Variants in SRD5A2 observed in about 807,000 individuals in gnomAD.
SRD5A2 encodes the protein 3-oxo-5-alpha-steroid 4-dehydrogenase 2.
Under a neutral mutation model 27.4 loss-of-function variants are expected in SRD5A2, and 30 were observed. The ratio of observed to expected loss-of-function variants is 1.10; its 90% confidence interval spans 0.82 to 1.49. The LOEUF (loss-of-function observed/expected upper bound fraction) is 1.49. Among genes scored for constraint, SRD5A2 ranks in the 40% most tolerant of loss-of-function variants. The pLI, the probability that SRD5A2 is intolerant of heterozygous loss-of-function variation, is 0.00. For synonymous variants in SRD5A2, 141 were observed against 133.6 expected (o/e 1.06, Z -0.38); for missense variants, 348 against 323.4 (o/e 1.08, Z -0.58).
the SRD5A2 span, among the ~76,000 whole-genome samples, chr2:31,624,937 T>C: frequency 6.6e-6 from 1 of 152,220 alleles, no homozygotes; most frequent in African/African-American, 2.4e-5. Context: ...ATCTCCACAC[T>C]GTCTTCCAAA....
rs1340601037 is a variant in SRD5A2, at chr2:31,572,302, G to A, written c.281+8318C>T. Among the ~76,000 whole-genome samples, 7 of 152,278 alleles carry A rather than the reference G, an allele frequency of 4.6e-5. No individual in the cohort carries two copies. In the East Asian group the frequency reaches 1.4e-3, roughly 29 times the overall value. ...AGAACAACAGCACTGGGGTCTACTT[G>A]AGGGTGGAGGATGGAAGGAGGGTGA... On this transcript the variant is annotated intron_variant, in intron 1 of 4. Coordinates refer to ENST00000622030, the MANE Select transcript of SRD5A2 (RefSeq NM_000348.4).
At chr2:31,577,510 C>A (rs995852586) in intron 1 of SRD5A2, among the ~76,000 whole-genome samples, 3 of 152,154 alleles carry the variant, frequency 2.0e-5, no homozygotes, top group Non-Finnish European at 2.9e-5. Flanking sequence ...AAACCTTTGA[C>A]CCTGTGGAAT....
At chr2:31,591,424 AAGTC>A in the SRD5A2 span, among the ~76,000 whole-genome samples, 1 of 152,138 alleles carries the variant, frequency 6.6e-6, no homozygotes, top group Non-Finnish European at 1.5e-5. Context: ...GATCATTAAA[AAGTC>A]AGGAAACAAC....
chr2:31,561,707 A>C (rs1666627917), intron 1 of SRD5A2, among the ~76,000 whole-genome samples: 1 of 152,112 alleles, frequency 6.6e-6, no homozygotes, highest in African/African-American at 2.4e-5. Flanking sequence ...GTTTTAAAAA[A>C]CTTTGAGGAT....
chr2:31,588,705 A>C, the SRD5A2 span, among the ~76,000 whole-genome samples: 1 of 152,230 alleles, frequency 6.6e-6, no homozygotes, highest in African/African-American at 2.4e-5. Flanking sequence ...TAATATGAAG[A>C]TACAAAACAA....
At chr2:31,543,617 ACAAT>A (rs760758127) in intron 1 of SRD5A2, among the ~76,000 whole-genome samples, 3 of 152,168 alleles carry the variant, frequency 2.0e-5, no homozygotes, top group Non-Finnish European at 2.9e-5. Flanking sequence ...TGTGACATTA[ACAAT>A]CAAAGAGAGA....
intron 1 of SRD5A2, among the ~76,000 whole-genome samples, chr2:31,575,312 C>T (rs1265843413): frequency 1.3e-5 from 2 of 152,172 alleles, no homozygotes; most frequent in Non-Finnish European, 2.9e-5. Flanking sequence ...GACTCAAGTT[C>T]CAACTCTTTG....
chr2:31,577,487 A>G (rs1443339751), intron 1 of SRD5A2, among the ~76,000 whole-genome samples: 2 of 152,226 alleles, frequency 1.3e-5, no homozygotes, highest in East Asian at 3.8e-4. Context: ...ATACAGCCAT[A>G]AAAGTGAGAC....
intron 4 of SRD5A2, 97 bp downstream of exon 4, chr2:31,529,210 A>T: frequency 6.7e-7 from 1 of 1,495,184 alleles, no homozygotes. Context: ...TAAAAAATTA[A>T]ATATCTTCGG....
At chr2:31,564,357 A>G (rs1666686506) in intron 1 of SRD5A2, among the ~76,000 whole-genome samples, 1 of 151,994 alleles carries the variant, frequency 6.6e-6, no homozygotes, top group South Asian at 2.1e-4. Flanking sequence ...AAATTACCCA[A>G]AAGAAGCACA....
intron 1 of SRD5A2, among the ~76,000 whole-genome samples, chr2:31,564,729 G>A (rs1413145350): frequency 6.6e-6 from 1 of 151,942 alleles, no homozygotes; most frequent in Non-Finnish European, 1.5e-5. Context: ...CAAACAAGAC[G>A]ACAGTGAAAC....
At chr2:31,581,143 C>G, upstream of SRD5A2, 1 of 545,582 alleles carries the variant, frequency 1.8e-6, no homozygotes, top group East Asian at 3.1e-5. Context: ...CCCGCCCTCT[C>G]CACGGCTTTA....
chr2:31,623,800 T>G, the SRD5A2 span, among the ~76,000 whole-genome samples: 98 of 152,080 alleles, frequency 6.4e-4, no homozygotes, highest in African/African-American at 2.2e-3. Context: ...TTAGTAAGAG[T>G]TTTTAACATG....
At chr2:31,645,927 G>T in the SRD5A2 span, among the ~76,000 whole-genome samples, 31 of 152,032 alleles carry the variant, frequency 2.0e-4, 1 homozygote, top group African/African-American at 6.8e-4. Flanking sequence ...TTACCATGGG[G>T]TACCTTCCTG....
intron 1 of SRD5A2, among the ~76,000 whole-genome samples, chr2:31,534,366 T>C (rs1421260875): frequency 6.6e-6 from 1 of 152,110 alleles, no homozygotes; most frequent in Non-Finnish European, 1.5e-5. Flanking sequence ...AGACCTAATA[T>C]TTACTCATTG....
At position 31,526,108 on chromosome 2, in the gene SRD5A2, A is replaced by T. The variant is rs370989010; in HGVS notation, c.*88T>A. On this transcript the variant is annotated 3_prime_UTR_variant, in exon 5 of 5. Coordinates refer to ENST00000622030, the MANE Select transcript of SRD5A2 (RefSeq NM_000348.4). ...AGACCTACTATTACATATATACGGG[A>T]CTATTATATCATGAAAATTACAGTT... 56,401 of 807,108 alleles carry T rather than the reference A, an allele frequency of 0.07. 3,228 individuals are homozygous for T. Among genetic ancestry groups the T allele is most frequent in the Middle Eastern group, 0.11 (451 of 3,972 alleles). 50.0% of individuals were successfully genotyped at this position (807,108 alleles called of 1,614,324 possible).
At chr2:31,567,452 G>GTATATA (rs753337903) in intron 1 of SRD5A2, among the ~76,000 whole-genome samples, 1,615 of 74,682 alleles carry the variant, frequency 0.022, 18 homozygotes, top group Non-Finnish European at 0.029. Context: ...GTGTGTGTGT[G>GTATATA]TGTGTATATA....
the SRD5A2 span, chr2:31,651,265 C>A: frequency 6.6e-6 from 1 of 152,412 alleles, no homozygotes; most frequent in Non-Finnish European, 1.5e-5. Flanking sequence ...GAAATCTAAT[C>A]TAAAAAAATT....
the SRD5A2 span, among the ~76,000 whole-genome samples, chr2:31,606,871 G>A: frequency 6.6e-6 from 1 of 151,920 alleles, no homozygotes; most frequent in African/African-American, 2.4e-5. Context: ...CAGTTCTGGA[G>A]GCTAGAGGTC....
Sources: allele counts gnomAD v4.1 joint callset (sites outside exome capture counted in the v4.1 genomes callset), GRCh38; gene constraint gnomAD v4.1.1; transcripts MANE v1.5; gene names NCBI Gene and HGNC (gene_info 2026-07-23, HGNC 2026-07-21).